Variants in ZFHX3 observed in about 807,000 individuals in gnomAD.
The protein encoded by ZFHX3 is zinc finger homeobox 3, also known as zinc finger homeobox protein 3.
Under a neutral mutation model 279.1 loss-of-function variants are expected in ZFHX3, and 42 were observed. The observed-to-expected ratio is 0.15, with a 90% CI of 0.12 to 0.19. The LOEUF (loss-of-function observed/expected upper bound fraction) is 0.19. ZFHX3 is among the 10% of genes least tolerant of loss of function. The pLI is 1.00. For missense variants in ZFHX3, 4,981 were observed against 4,754.0 expected (o/e 1.05, Z -1.40); for synonymous variants, 2,293 against 1,957.8 (o/e 1.17, Z -4.52).
At chr16:73,223,610 T>C (rs1330400074) in intron 5 of ZFHX3, among the ~76,000 whole-genome samples, 1 of 152,180 alleles carries the variant, frequency 6.6e-6, no homozygotes, top group Non-Finnish European at 1.5e-5. Flanking sequence ...GATGGGAATG[T>C]AAAATTGTGT....
chr16:73,810,048 G>A (rs184864572), intron 1 of ZFHX3, among the ~76,000 whole-genome samples: 11 of 152,256 alleles, frequency 7.2e-5, no homozygotes, highest in Admixed American at 2.0e-4. Flanking sequence ...TTGGTCACAT[G>A]TATTTTGGCC....
chr16:73,723,159 G>A (rs967302316), intron 1 of ZFHX3, among the ~76,000 whole-genome samples: 1 of 152,172 alleles, frequency 6.6e-6, no homozygotes, highest in African/African-American at 2.4e-5. Flanking sequence ...ATTGGCCACG[G>A]ACTGATCTTT....
intron 3 of ZFHX3, among the ~76,000 whole-genome samples, chr16:72,949,914 T>TC (rs201590463): frequency 0.022 from 3,225 of 144,264 alleles, 79 homozygotes; most frequent in South Asian, 0.064. Flanking sequence ...TTCTTTTCTT[T>TC]TTTTTTTTTT....
intron 1 of ZFHX3, among the ~76,000 whole-genome samples, chr16:73,709,359 AGAG>A (rs1365958104): frequency 2.6e-5 from 4 of 151,676 alleles, no homozygotes; most frequent in African/African-American, 4.8e-5. Context: ...AGAGAGAGAG[AGAG>A]AGAGAGAGAG....
rs150981348 is a variant in ZFHX3 at position 73,743,607 on chromosome 16, T to A, written c.-1607-63367A>T. Among the ~76,000 whole-genome samples, 389 of 152,238 alleles carry A rather than the reference T, an allele frequency of 2.6e-3. 3 individuals carry two copies. Among genetic ancestry groups the A allele is most frequent in the African/African-American group, 9.0e-3 (373 of 41,536 alleles). ...TATATGGAAGTATGACAGCTAAAAATTTATATCTAAGTTCTTATTAGAAAA... is the reference window on the plus strand; with the variant it reads ...TATATGGAAGTATGACAGCTAAAAAATTATATCTAAGTTCTTATTAGAAAA... On this transcript the variant is annotated intron_variant, in intron 1 of 17. Transcript: ENST00000641206.
At chr16:73,706,393 T>C (rs111553861) in intron 1 of ZFHX3, among the ~76,000 whole-genome samples, 2 of 150,198 alleles carry the variant, frequency 1.3e-5, no homozygotes, top group Non-Finnish European at 3.0e-5. Context: ...ACTTGAAAGG[T>C]TGCAGCGAGC....
intron 1 of ZFHX3, among the ~76,000 whole-genome samples, chr16:72,987,681 T>C (rs2062974466): frequency 6.6e-6 from 1 of 152,150 alleles, no homozygotes; most frequent in African/African-American, 2.4e-5. Context: ...ATGTAGAGTA[T>C]CATTCGTTTG....
At chr16:73,235,494 C>A (rs2012915064) in intron 5 of ZFHX3, among the ~76,000 whole-genome samples, 1 of 152,140 alleles carries the variant, frequency 6.6e-6, no homozygotes, top group Non-Finnish European at 1.5e-5. Flanking sequence ...TCTCCAGGGA[C>A]CTGTGCACAC....
chr16:73,606,880 A>G (rs1301088972), intron 2 of ZFHX3, among the ~76,000 whole-genome samples: 4 of 152,054 alleles, frequency 2.6e-5, no homozygotes, highest in Admixed American at 1.3e-4. Context: ...ACGGCTTCCA[A>G]TTCTATCCAT....
chr16:73,735,921 C>T (rs2053606291), intron 1 of ZFHX3, among the ~76,000 whole-genome samples: 1 of 19,136 alleles, frequency 5.2e-5, no homozygotes, highest in Middle Eastern at 0.038. Flanking sequence ...TTTTTTAATG[C>T]TCTGAAGGTT....
chr16:72,965,022 C>T (rs1013762531), intron 1 of ZFHX3, among the ~76,000 whole-genome samples: 3 of 152,026 alleles, frequency 2.0e-5, no homozygotes, highest in Non-Finnish European at 4.4e-5. Flanking sequence ...GGCCTACAGG[C>T]GACCACCACC....
At chr16:72,858,466 TAAAG>T (rs2037806303) in intron 4 of ZFHX3, among the ~76,000 whole-genome samples, 1 of 152,052 alleles carries the variant, frequency 6.6e-6, no homozygotes, top group Non-Finnish European at 1.5e-5. Flanking sequence ...GAGGTGAAAA[TAAAG>T]AGAGAGTCGA....
chr16:73,750,573 G>C (rs896148986), intron 1 of ZFHX3, among the ~76,000 whole-genome samples: 1 of 152,152 alleles, frequency 6.6e-6, no homozygotes, highest in African/African-American at 2.4e-5. Flanking sequence ...AACTTTAAGA[G>C]GGAATTTAAC....
chr16:73,177,571 C>T (rs1330417070), intron 5 of ZFHX3, among the ~76,000 whole-genome samples: 3 of 152,128 alleles, frequency 2.0e-5, no homozygotes, highest in African/African-American at 7.2e-5. Context: ...TGATCTTTCC[C>T]AAAATACACA....
chr16:72,998,053 G>A (rs978152592), intron 1 of ZFHX3, among the ~76,000 whole-genome samples: 1 of 152,078 alleles, frequency 6.6e-6, no homozygotes, highest in Non-Finnish European at 1.5e-5. Context: ...CTGTACTCCC[G>A]TGATTTAAAG....
chr16:72,953,344 G>A (rs1221122916), intron 2 of ZFHX3, among the ~76,000 whole-genome samples: 1 of 151,948 alleles, frequency 6.6e-6, no homozygotes, highest in Non-Finnish European at 1.5e-5. Context: ...GGGGACGAAG[G>A]CCAGGCAACA....
intron 3 of ZFHX3, among the ~76,000 whole-genome samples, chr16:73,360,361 C>G (rs538286103): frequency 1.2e-4 from 18 of 152,144 alleles, no homozygotes; most frequent in African/African-American, 4.3e-4. Flanking sequence ...TGTTGTGAGA[C>G]GAAGGCTTAC....
chr16:73,888,764 G>A (rs2030431114), intron 1 of ZFHX3, among the ~76,000 whole-genome samples: 1 of 152,184 alleles, frequency 6.6e-6, no homozygotes, highest in African/African-American at 2.4e-5. Flanking sequence ...CGGCTGTGAT[G>A]TGGGGGCTAA....
At chr16:73,411,593 T>A (rs1228721400) in intron 3 of ZFHX3, among the ~76,000 whole-genome samples, 1 of 152,238 alleles carries the variant, frequency 6.6e-6, no homozygotes, top group East Asian at 1.9e-4. Flanking sequence ...TGTATGCCTG[T>A]GAGGGTGTTG....
Sources: gnomAD v4.1 joint callset for allele counts (sites outside exome capture counted in the v4.1 genomes callset) on GRCh38, gnomAD v4.1.1 for gene constraint, MANE v1.5 for transcripts, NCBI Gene and HGNC (gene_info 2026-07-23, HGNC 2026-07-21) for gene names.